CNTN4: variants seen among roughly 807,000 people sequenced by gnomAD.
CNTN4 encodes the protein contactin 4, also known as contactin-4.
CNTN4 carries 77 observed loss-of-function variants against 122.5 expected under a neutral mutation model. The observed-to-expected ratio is 0.63, with a 90% CI of 0.52 to 0.76. The LOEUF (loss-of-function observed/expected upper bound fraction) is 0.76, where lower values mean the gene tolerates loss of function less well. Ranked by LOEUF, CNTN4 falls within the 30% of genes least tolerant of loss-of-function variation. The probability of loss-of-function intolerance (pLI) is 0.00; values close to 1 mark genes in which losing one functional copy is unlikely to be tolerated. For synonymous variants in CNTN4, 512 were observed against 447.0 expected (o/e 1.15, Z -1.83); for missense variants, 1,256 against 1,259.1 (o/e 1.00, Z 0.04).
chr3:2,204,912 A>G (rs1261999888), intron 2 of CNTN4, among the ~76,000 whole-genome samples: 3 of 152,198 alleles, frequency 2.0e-5, no homozygotes, highest in Non-Finnish European at 4.4e-5. Context: ...AATTATCAGT[A>G]CAGAATCCTA....
At chr3:2,415,704 T>A (rs964447212) in intron 3 of CNTN4, among the ~76,000 whole-genome samples, 2 of 152,206 alleles carry the variant, frequency 1.3e-5, no homozygotes, top group African/African-American at 4.8e-5. Context: ...CTTCTATTAA[T>A]AATATGATTT....
chr3:2,200,390 A>G lies in CNTN4; in HGVS notation c.-145+99751A>G, dbSNP rs575433304. The stretch of plus-strand genomic sequence containing the variant: ...CAGATAAATCACTGGTTCCCAACTG[A>G]GAGCAACTTTGCTCCTCTCTGTTTC... On this transcript the variant is annotated intron_variant, in intron 2 of 24. Coordinates refer to ENST00000418658, the MANE Select transcript of CNTN4 (RefSeq NM_175607.3). Among the ~76,000 whole-genome samples the G allele has an allele frequency of 2.2e-3, 339 of 152,276 alleles. 1 individual carries two copies. Among genetic ancestry groups the G allele is most frequent in the Non-Finnish European group, 1.5e-3 (100 of 68,018 alleles).
intron 12 of CNTN4, among the ~76,000 whole-genome samples, chr3:2,924,521 A>G (rs963848949): frequency 2.6e-5 from 4 of 152,220 alleles, no homozygotes; most frequent in African/African-American, 9.6e-5. Flanking sequence ...CATTAATTCA[A>G]TTAACTCAGA....
At chr3:2,283,025 G>T (rs1397201615) in intron 2 of CNTN4, among the ~76,000 whole-genome samples, 1 of 152,110 alleles carries the variant, frequency 6.6e-6, no homozygotes, top group African/African-American at 2.4e-5. Context: ...TGCTTAATGG[G>T]TATGGAGTTT....
rs145114260 is a variant in CNTN4, at chr3:3,009,685, G to A, written c.1487-16417G>A. 3.1e-3 allele frequency among the ~76,000 whole-genome samples: 468 copies of A among 152,102 alleles called. 16 individuals are homozygous for A. The highest frequency in any genetic ancestry group is 0.027 in the Admixed American group (414 of 15,284). ...CCTGACCTCGTGATCTGCCCTCCTC[G>A]GCCTCCCATAGTGCTGGGATTACAG... On this transcript the variant is annotated intron_variant, in intron 14 of 24. Coordinates refer to ENST00000418658, the MANE Select transcript of CNTN4 (RefSeq NM_175607.3).
chr3:2,153,981 T>C (rs2035604085), intron 2 of CNTN4, among the ~76,000 whole-genome samples: 1 of 152,220 alleles, frequency 6.6e-6, no homozygotes, highest in South Asian at 2.1e-4. Context: ...TCTCTTTAGC[T>C]CTACCTTATC....
intron 2 of CNTN4, among the ~76,000 whole-genome samples, chr3:2,171,609 T>A (rs1457390428): frequency 3.3e-5 from 5 of 152,352 alleles, no homozygotes; most frequent in Non-Finnish European, 5.9e-5. Context: ...ATATTCTACC[T>A]GTATGATTGA....
At chr3:2,326,484 T>G (rs933209932) in intron 2 of CNTN4, among the ~76,000 whole-genome samples, 1 of 78,130 alleles carries the variant, frequency 1.3e-5, no homozygotes, top group African/African-American at 5.0e-5. Flanking sequence ...TCTAATAAAT[T>G]TACACACACA....
chr3:2,340,710 T>TAGAGAGAGAGAGAGAGAGGGGGAGAG (rs2044169886), intron 3 of CNTN4, among the ~76,000 whole-genome samples: 1 of 18,294 alleles, frequency 5.5e-5, no homozygotes, highest in Non-Finnish European at 1.6e-4. Context: ...TATATATATA[T>TAGAGAGAGAGAGAGAGAGGGGGAGAG]AGAGAGAGAG....
At chr3:2,792,455 A>G (rs1364302015) in intron 6 of CNTN4, among the ~76,000 whole-genome samples, 1 of 152,206 alleles carries the variant, frequency 6.6e-6, no homozygotes, top group Admixed American at 6.5e-5. Flanking sequence ...TTTGAGTGAG[A>G]TGTTTTTAAA....
chr3:2,115,465 T>G (rs2033285001), intron 2 of CNTN4, among the ~76,000 whole-genome samples: 1 of 152,234 alleles, frequency 6.6e-6, no homozygotes, highest in African/African-American at 2.4e-5. Flanking sequence ...TAACCCTGTT[T>G]ATCCTCTTAG....
chr3:2,877,179 AGAGTAGCCTAT>A (rs1559609417), intron 8 of CNTN4, among the ~76,000 whole-genome samples: 1 of 152,240 alleles, frequency 6.6e-6, no homozygotes, highest in African/African-American at 2.4e-5. Context: ...GTGCTGAAAA[AGAGTAGCCTAT>A]GAATGTCATG....
chr3:2,787,370 C>T lies in CNTN4; in HGVS notation c.359-32116C>T, dbSNP rs570300031. Among the ~76,000 whole-genome samples, 6 of 151,608 alleles carry T rather than the reference C, an allele frequency of 4.0e-5. No homozygotes were observed. In the South Asian group the frequency reaches 6.2e-4, roughly 16 times the overall value. On this transcript the variant is annotated intron_variant, in intron 6 of 24. Coordinates refer to ENST00000418658, the MANE Select transcript of CNTN4 (RefSeq NM_175607.3). ...CAGCCTGGGCAGCAGAGCGAGACTC[C>T]GCCTCAAAAAAACATACATAAATAA...
At chr3:2,157,671 C>T (rs2035783346) in intron 2 of CNTN4, among the ~76,000 whole-genome samples, 1 of 152,084 alleles carries the variant, frequency 6.6e-6, no homozygotes, top group African/African-American at 2.4e-5. Context: ...ATGAGATGCC[C>T]TAAAACAATA....
chr3:2,937,527 G>T (rs572902969), intron 13 of CNTN4, among the ~76,000 whole-genome samples: 1 of 152,314 alleles, frequency 6.6e-6, no homozygotes, highest in East Asian at 1.9e-4. Context: ...ATTTTATACA[G>T]GTGCTTTAAG....
rs73805403 is a variant in CNTN4, at chr3:2,793,730, C to G, written c.359-25756C>G. On this transcript the variant is annotated intron_variant, in intron 6 of 24. Coordinates refer to ENST00000418658, the MANE Select transcript of CNTN4 (RefSeq NM_175607.3). ...ATCGTATTACCTTATTCCATGCTAC[C>G]TAGGAAAAATAACAGAAAAAGTAAC... 4.4e-3 allele frequency among the ~76,000 whole-genome samples: 668 copies of G among 152,222 alleles called. 7 individuals carry two copies. Among genetic ancestry groups the G allele is most frequent in the African/African-American group, 0.016 (648 of 41,534 alleles).
At chr3:3,020,996 T>C (rs1364383162) in intron 14 of CNTN4, among the ~76,000 whole-genome samples, 2 of 152,234 alleles carry the variant, frequency 1.3e-5, no homozygotes. Flanking sequence ...ATGTGTTATT[T>C]ATGCAACCTA....
intron 6 of CNTN4, among the ~76,000 whole-genome samples, chr3:2,800,043 A>G (rs2092309331): frequency 6.8e-6 from 1 of 147,098 alleles, no homozygotes; most frequent in African/African-American, 2.5e-5. Flanking sequence ...ATAGCCTTGT[A>G]GTAGAATTCG....
chr3:2,780,325 C>A (rs1447573410), intron 6 of CNTN4, among the ~76,000 whole-genome samples: 3 of 152,110 alleles, frequency 2.0e-5, no homozygotes, highest in Non-Finnish European at 4.4e-5. Context: ...ATCATGTGTG[C>A]CTGTTGGCCT....
Sources: gnomAD v4.1 joint callset for allele counts (sites outside exome capture counted in the v4.1 genomes callset) on GRCh38, gnomAD v4.1.1 for gene constraint, MANE v1.5 for transcripts, NCBI Gene and HGNC (gene_info 2026-07-23, HGNC 2026-07-21) for gene names.